The following PRICKLE1 variants were observed in gnomAD, a reference collection of about 807,000 sequenced individuals.
The protein encoded by PRICKLE1 is prickle-like protein 1.
Under a neutral mutation model 70.2 loss-of-function variants are expected in PRICKLE1, and 14 were observed. The ratio of observed to expected loss-of-function variants is 0.20; its 90% CI spans 0.13 to 0.31. PRICKLE1 has a LOEUF of 0.31. Ranked by LOEUF, PRICKLE1 falls within the 10% of genes least tolerant of loss-of-function variation. The pLI, the probability that PRICKLE1 is intolerant of heterozygous loss-of-function variation, is 1.00. For missense variants in PRICKLE1, 821 were observed against 1,026.2 expected, an observed-to-expected ratio of 0.80 and a Z score of 2.73; for synonymous variants, 357 against 379.9, an observed-to-expected ratio of 0.94 and a Z score of 0.70.
intron 7 of PRICKLE1, among the ~76,000 whole-genome samples, chr12:42,462,670 C>T (rs558228748): frequency 6.6e-6 from 1 of 152,148 alleles, no homozygotes; most frequent in Non-Finnish European, 1.5e-5. Flanking sequence ...CGTACCCTTC[C>T]TTGTCACTGC....
At chr12:42,482,949 T>C (rs1178063409) in intron 1 of PRICKLE1, 1 of 152,088 alleles carries the variant, frequency 6.6e-6, no homozygotes, top group Non-Finnish European at 1.5e-5. Flanking sequence ...CGGCGGCCGC[T>C]GCTTAGGCCG....
At chr12:42,548,710 T>C (rs895760513) in intron 1 of PRICKLE1, among the ~76,000 whole-genome samples, 1 of 152,202 alleles carries the variant, frequency 6.6e-6, no homozygotes, top group Admixed American at 6.5e-5. Context: ...GTGAGTAGCA[T>C]GGAGGTCATT....
intron 1 of PRICKLE1, among the ~76,000 whole-genome samples, chr12:42,561,354 C>A (rs907286871): frequency 6.6e-6 from 1 of 152,134 alleles, no homozygotes; most frequent in African/African-American, 2.4e-5. Context: ...CTTTTCTGAC[C>A]TTCTTTCTTC....
At chr12:42,500,312 T>G (rs1329207160) in intron 1 of PRICKLE1, among the ~76,000 whole-genome samples, 1 of 152,216 alleles carries the variant, frequency 6.6e-6, no homozygotes, top group African/African-American at 2.4e-5. Flanking sequence ...ATCATTTTAT[T>G]GTCCAAATAC....
At position 42,460,417 on chromosome 12, in the gene PRICKLE1, G is replaced by C. The variant is rs200171609; in HGVS notation, c.1888C>G (p.Gln630Glu). Residue 630 changes from glutamine to glutamate, a missense_variant, in exon 8 of 8, where the codon CAG becomes GAG. Transcript: ENST00000345127. ...ATGACATCATCAGAAAACTTGACCT[G>C]CTGGGGTCTGGATTGAGACTTGGAC... ...RRSKSQSRPQ[Q>E]VKFSDDVIDN... 100 of 1,614,130 alleles carry C rather than the reference G, an allele frequency of 6.2e-5. 2 individuals carry two copies. The Middle Eastern group carries it at 8.2e-4, about 13-fold the overall frequency.
chr12:42,463,175 C>G lies in PRICKLE1; in HGVS notation c.1639+1220G>C, dbSNP rs147898503. Among the ~76,000 whole-genome samples, 116 of 152,020 alleles carry G rather than the reference C, an allele frequency of 7.6e-4. 1 individual carries two copies. The highest frequency in any genetic ancestry group is 6.8e-3 in the Middle Eastern group (2 of 294). ...GCGTGGTGGCAGGCGCCTATAATCC[C>G]AGCTACTCATGAGGCTGAGGCAGGA... On this transcript the variant is annotated intron_variant, in intron 7 of 7. Transcript: ENST00000345127.
intron 1 of PRICKLE1, 44 bp from the exon 2 acceptor site, chr12:42,472,608 T>G (rs1938370817): frequency 1.9e-5 from 28 of 1,511,030 alleles, no homozygotes; most frequent in Non-Finnish European, 2.6e-5. Context: ...AAAACCTGAA[T>G]GCATTTCTCT....
chr12:42,552,452 A>G (rs1453700819), intron 1 of PRICKLE1, among the ~76,000 whole-genome samples: 1 of 152,252 alleles, frequency 6.6e-6, no homozygotes, highest in African/African-American at 2.4e-5. Flanking sequence ...TAAGTAAGAC[A>G]ATGTATGAAA....
At chr12:42,516,077 G>C (rs1473705405) in intron 1 of PRICKLE1, among the ~76,000 whole-genome samples, 1 of 151,576 alleles carries the variant, frequency 6.6e-6, no homozygotes, top group Non-Finnish European at 1.5e-5. Context: ...TTACTTTCTA[G>C]GCAATTTCCT....
At chr12:42,545,215 G>A (rs1227286727) in intron 1 of PRICKLE1, among the ~76,000 whole-genome samples, 1 of 151,978 alleles carries the variant, frequency 6.6e-6, no homozygotes, top group Non-Finnish European at 1.5e-5. Context: ...TGTTGCCCAG[G>A]GTAGTCTAGA....
intron 1 of PRICKLE1, among the ~76,000 whole-genome samples, chr12:42,539,926 T>C (rs1940080148): frequency 6.6e-6 from 1 of 152,220 alleles, no homozygotes. Flanking sequence ...AATTACAATC[T>C]AATGTCCTGG....
intron 1 of PRICKLE1, among the ~76,000 whole-genome samples, chr12:42,516,375 G>A (rs748898415): frequency 2.0e-5 from 3 of 152,018 alleles, no homozygotes; most frequent in South Asian, 2.1e-4. Flanking sequence ...CTCGTGATCC[G>A]CCTGCCTCGG....
chr12:42,478,259 T>A (rs866445803), intron 1 of PRICKLE1, among the ~76,000 whole-genome samples: 8 of 152,240 alleles, frequency 5.3e-5, no homozygotes, highest in Non-Finnish European at 7.3e-5. Flanking sequence ...CTTAAAATGC[T>A]GTAGCAAACT....
Position 42,582,729 on chromosome 12 carries a change from A to C in PRICKLE1, c.-49+6736T>G, listed in dbSNP as rs372447967. Reference sequence around the variant, plus strand: ...TTGTCCGACCCACGGACCGTGGGCCACATGCAACCCAGGATGGCTTTGAAT... The same window carrying C: ...TTGTCCGACCCACGGACCGTGGGCCCCATGCAACCCAGGATGGCTTTGAAT... On this transcript the variant is annotated intron_variant, in intron 1 of 7. Coordinates refer to ENST00000345127, the MANE Select transcript of PRICKLE1 (RefSeq NM_153026.3). Among the ~76,000 whole-genome samples the C allele has an allele frequency of 6.6e-5, 10 of 152,380 alleles. No homozygotes were observed. The East Asian group carries it at 1.5e-3, about 23-fold the overall frequency.
chr12:42,475,621 G>A (rs965079581), intron 1 of PRICKLE1, among the ~76,000 whole-genome samples: 5 of 152,026 alleles, frequency 3.3e-5, no homozygotes, highest in Non-Finnish European at 5.9e-5. Context: ...CTTTACCCAC[G>A]GAAGGCATTT....
intron 7 of PRICKLE1, among the ~76,000 whole-genome samples, chr12:42,460,964 C>T (rs1937809450): frequency 6.6e-6 from 1 of 152,224 alleles, no homozygotes; most frequent in African/African-American, 2.4e-5. Flanking sequence ...ACACCACAAT[C>T]TCCACCTCCC....
chr12:42,460,329 C>T lies in PRICKLE1; in HGVS notation c.1976G>A (p.Arg659His), dbSNP rs1937774337. ...TCCCCTCTCTTCAAAATTGTAGACG[C>T]GTCTCCGAGTCCTTTCACTCATCGG... ...QPPMSERTRR[R>H]VYNFEERGSR... The change falls in exon 8 of 8, where the codon CGC becomes CAC. Residue 659 changes from arginine to histidine, a missense_variant. Arg to His is a conservative substitution (Grantham distance 29). Transcript: ENST00000345127. 5.6e-6 allele frequency: 9 copies of T among 1,614,160 alleles called. 1 individual carries two copies. Among genetic ancestry groups the T allele is most frequent in the East Asian group, 2.2e-5 (1 of 44,884 alleles).
intron 1 of PRICKLE1, among the ~76,000 whole-genome samples, chr12:42,546,006 T>C (rs1380722570): frequency 2.6e-5 from 4 of 151,338 alleles, no homozygotes; most frequent in African/African-American, 9.7e-5. Context: ...TAATCAGCAA[T>C]AGAGAAAAGA....
chr12:42,485,953 A>T (rs571434718), intron 1 of PRICKLE1, among the ~76,000 whole-genome samples: 1 of 152,252 alleles, frequency 6.6e-6, no homozygotes, highest in Non-Finnish European at 1.5e-5. Context: ...AATCTCAATG[A>T]AACAGACTTT....
Sources: gnomAD v4.1 joint callset for allele counts (sites outside exome capture counted in the v4.1 genomes callset) on GRCh38, gnomAD v4.1.1 for gene constraint, MANE v1.5 for transcripts, NCBI Gene and HGNC (gene_info 2026-07-23, HGNC 2026-07-21) for gene names.